Variants in CACNA1S observed in about 807,000 individuals in gnomAD.
The protein encoded by CACNA1S is calcium voltage-gated channel subunit alpha1 S.
CACNA1S carries 126 observed loss-of-function variants against 207.4 expected under a neutral mutation model. That is an observed-to-expected ratio of 0.61 (90% CI 0.53 to 0.70). The LOEUF is 0.70. Among genes scored for constraint, CACNA1S ranks in the 30% least tolerant of loss-of-function variants. The pLI, the probability that CACNA1S is intolerant of heterozygous loss-of-function variation, is 0.00. For synonymous variants in CACNA1S, 960 were observed against 932.7 expected, an observed-to-expected ratio of 1.03 and a Z score of -0.53; for missense variants, 2,349 against 2,422.8, an observed-to-expected ratio of 0.97 and a Z score of 0.64.
intron 32 of CACNA1S, 142 bp downstream of exon 32, chr1:201,052,415 G>A: frequency 2.9e-6 from 2 of 683,632 alleles, no homozygotes; most frequent in Admixed American, 4.4e-5. Context: ...AACCAAGCAG[G>A]GGACCCTTCT....
chr1:201,107,348 G>C (rs777693783), intron 2 of CACNA1S, among the ~76,000 whole-genome samples: 17 of 152,140 alleles, frequency 1.1e-4, no homozygotes, highest in Middle Eastern at 3.2e-3. Flanking sequence ...CTGATCTCAA[G>C]ACTAGCTTAG....
chr1:201,087,399 C>T (rs1312474378), intron 7 of CACNA1S, among the ~76,000 whole-genome samples: 1 of 152,132 alleles, frequency 6.6e-6, no homozygotes, highest in African/African-American at 2.4e-5. Flanking sequence ...CCGAAAGCCC[C>T]ACCGCCTCTT....
chr1:201,060,437 C>T (rs965597235), intron 26 of CACNA1S, among the ~76,000 whole-genome samples: 9 of 152,120 alleles, frequency 5.9e-5, no homozygotes, highest in East Asian at 3.8e-4. Context: ...GCAGAATTAC[C>T]GTACTATTTT....
intron 16 of CACNA1S, among the ~76,000 whole-genome samples, chr1:201,072,377 C>T (rs908517856): frequency 6.6e-6 from 1 of 152,130 alleles, no homozygotes; most frequent in African/African-American, 2.4e-5. Flanking sequence ...AGTAATCTGC[C>T]TCATCACGAC....
intron 39 of CACNA1S, 60 bp from the exon 40 acceptor site, chr1:201,043,591 T>TCCCAGAGTGACAGCC: frequency 1.3e-6 from 2 of 1,482,496 alleles, no homozygotes; most frequent in Non-Finnish European, 1.9e-6. Context: ...TGGGGGGCTG[T>TCCCAGAGTGACAGCC]CACTCTGGGA....
At position 201,087,927 on chromosome 1, in the gene CACNA1S, G is replaced by A; in HGVS notation, c.903C>T (p.Val301=). 6.2e-7 allele frequency: 1 copy of A among 1,605,288 alleles called. No homozygotes were observed. The highest frequency in any genetic ancestry group is 8.5e-7 in the Non-Finnish European group (1 of 1,172,470). Residue 301 remains valine, a splice_region_variant and synonymous_variant, in exon 7 of 44, where the codon GTC becomes GTT. Coordinates refer to ENST00000362061, the MANE Select transcript of CACNA1S (RefSeq NM_000069.3). ...MEGWTDVLYW[V]NDAIGNEWPW... is the part of the protein sequence containing the mutation. ...GCCACTCATTCCCGATGGCATCATTGACCTGGTCAGGACAGAAGTGTGATC... is the reference window on the plus strand; with the variant it reads ...GCCACTCATTCCCGATGGCATCATTAACCTGGTCAGGACAGAAGTGTGATC...
At chr1:201,093,656 C>G (rs1662316492) in intron 3 of CACNA1S, among the ~76,000 whole-genome samples, 1 of 152,140 alleles carries the variant, frequency 6.6e-6, no homozygotes, top group Non-Finnish European at 1.5e-5. Context: ...TAGCATCTAG[C>G]AGGGGAAGGA....
At chr1:201,045,420 TG>T (rs1660438445) in intron 38 of CACNA1S, among the ~76,000 whole-genome samples, 1 of 152,122 alleles carries the variant, frequency 6.6e-6, no homozygotes, top group Non-Finnish European at 1.5e-5. Context: ...GAAATTTGAA[TG>T]GGGTCTGAGG....
At chr1:201,068,231 C>CTTTTTTT (rs60151209) in intron 19 of CACNA1S, among the ~76,000 whole-genome samples, 7 of 46,960 alleles carry the variant, frequency 1.5e-4, no homozygotes, top group African/African-American at 6.1e-4. Flanking sequence ...CGGCTCTGCT[C>CTTTTTTT]TTTTTTTTTT....
At chr1:201,078,700 TG>T (rs1330546514) in intron 10 of CACNA1S, among the ~76,000 whole-genome samples, 1 of 152,108 alleles carries the variant, frequency 6.6e-6, no homozygotes, top group African/African-American at 2.4e-5. Flanking sequence ...GCCACCTACC[TG>T]AAGCCAATCC....
At chr1:201,106,603 C>A (rs1286433175) in intron 2 of CACNA1S, among the ~76,000 whole-genome samples, 8 of 152,180 alleles carry the variant, frequency 5.3e-5, no homozygotes, top group African/African-American at 4.8e-5. Flanking sequence ...TTTCTTTCAG[C>A]CCCTTTCTCA....
At chr1:201,052,706 AT>A (rs1175825193) in intron 31 of CACNA1S, 58 bp from the exon 32 acceptor site, 1 of 1,378,530 alleles carries the variant, frequency 7.3e-7, no homozygotes, top group African/African-American at 1.4e-5. Flanking sequence ...CCCTCAGCTT[AT>A]CCCCCACTGC....
rs962849338 is a variant in CACNA1S, at chr1:201,066,470, A to T, written c.2658-154T>A. Among the ~76,000 whole-genome samples the T allele has an allele frequency of 6.6e-6, 1 of 151,990 alleles. No homozygotes were observed. Among genetic ancestry groups the T allele is most frequent in the Non-Finnish European group, 1.5e-5 (1 of 67,980 alleles). ...CCCTTCCCTTTCCTCCAGCCGTGAG[A>T]GTGTGCCCGACTCCAGGGCACAGCC... On this transcript the variant is annotated intron_variant, in intron 20 of 43. Coordinates refer to ENST00000362061, the MANE Select transcript of CACNA1S (RefSeq NM_000069.3). The surrounding 1 kb of genome is among the most constrained non-coding windows in gnomAD (Gnocchi z 4.3).
At chr1:201,077,792 G>A in intron 11 of CACNA1S, 87 bp downstream of exon 11, 1 of 873,340 alleles carries the variant, frequency 1.1e-6, no homozygotes, top group South Asian at 1.5e-5. Flanking sequence ...ACAGATCCCA[G>A]ACCTCAGGAA....
In CACNA1S at chr1:201,049,094, C is replaced by G; in HGVS notation, c.4247G>C (p.Arg1416Thr). 5 of 1,610,552 alleles carry G rather than the reference C, an allele frequency of 3.1e-6. No individual in the cohort carries two copies. The highest frequency in any genetic ancestry group is 4.2e-6 in the Non-Finnish European group (5 of 1,178,282). ...GGTCACCACGTCCAGGTGTTTGATTCTCCCCCTGCGGGAGGACACACAGAC... is the reference window on the plus strand; with the variant it reads ...GGTCACCACGTCCAGGTGTTTGATTGTCCCCCTGCGGGAGGACACACAGAC... Reference protein sequence around the residue: ...WAEYDPEAKGRIKHLDVVTLL... With the variant: ...WAEYDPEAKGTIKHLDVVTLL... Residue 1416 changes from arginine to threonine, a missense_variant, in exon 35 of 44, where the codon AGA becomes ACA. Transcript: ENST00000362061.
rs113487025 is a variant in CACNA1S, at chr1:201,109,282, C to T, written c.258+882G>A. Among the ~76,000 whole-genome samples the T allele has an allele frequency of 5.1e-3, 765 of 151,160 alleles. 3 individuals carry two copies. The highest frequency in any genetic ancestry group is 0.018 in the African/African-American group (737 of 41,092). ...AAAAGAGGTTCTAAAATCAGAGAGACCAAGCTGGAGGCCCTACCACAAGAT... is the reference window on the plus strand; with the variant it reads ...AAAAGAGGTTCTAAAATCAGAGAGATCAAGCTGGAGGCCCTACCACAAGAT... On this transcript the variant is annotated intron_variant, in intron 2 of 43. Transcript: ENST00000362061.
intron 25 of CACNA1S, 126 bp from the exon 26 acceptor site, chr1:201,060,942 G>C: frequency 8.5e-7 from 1 of 1,169,630 alleles, no homozygotes; most frequent in Non-Finnish European, 1.3e-6. Flanking sequence ...TGAGGACTGT[G>C]AACTGTTTAG....
rs1030557258 is a variant in CACNA1S, at chr1:201,070,413, A to G, written c.2228-9T>C. 5 of 1,612,774 alleles carry G rather than the reference A, an allele frequency of 3.1e-6. 1 individual carries two copies. In the African/African-American group the frequency reaches 5.3e-5, roughly 17 times the overall value. On this transcript the variant is annotated splice_polypyrimidine_tract_variant and intron_variant, in intron 16 of 43. Coordinates refer to ENST00000362061, the MANE Select transcript of CACNA1S (RefSeq NM_000069.3). The stretch of plus-strand genomic sequence containing the variant: ...ATCTTCCTCGTCATCCCCTGTGGGG[A>G]GAGAGAGAGGAATTAGGGGTGTCTT...
intron 10 of CACNA1S, among the ~76,000 whole-genome samples, chr1:201,081,155 T>C (rs1236809421): frequency 6.6e-6 from 1 of 152,114 alleles, no homozygotes; most frequent in Admixed American, 6.6e-5. Context: ...AGTTCCCACC[T>C]CATGCAGGTC....
Sources: allele counts gnomAD v4.1 joint callset (sites outside exome capture counted in the v4.1 genomes callset), GRCh38; gene constraint gnomAD v4.1.1; non-coding constraint Gnocchi (gnomAD v3.1); transcripts MANE v1.5; gene names NCBI Gene and HGNC (gene_info 2026-07-23, HGNC 2026-07-21).